ATAD3B: variants seen among roughly 807,000 people sequenced by gnomAD.
The protein encoded by ATAD3B is ATPase family AAA domain-containing protein 3B.
A neutral mutation model predicts 70.2 loss-of-function variants in ATAD3B; 59 were observed. The observed-to-expected ratio is 0.84, with a 90% confidence interval of 0.68 to 1.04. The LOEUF (loss-of-function observed/expected upper bound fraction) is 1.04, where lower values mean the gene tolerates loss of function less well. Among genes scored for constraint, ATAD3B ranks in the 50% least tolerant of loss-of-function variants. ATAD3B has a pLI of 0.00. For missense variants in ATAD3B, 961 were observed against 913.4 expected (o/e 1.05, Z -0.67); for synonymous variants, 423 against 388.6 (o/e 1.09, Z -1.04).
downstream of ATAD3B, among the ~76,000 whole-genome samples, chr1:1,501,854 G>A (rs1640952310): frequency 1.3e-5 from 2 of 151,012 alleles, no homozygotes; most frequent in Admixed American, 1.3e-4. Flanking sequence ...CTTTGGGTAA[G>A]TTTTTTTTTG....
chr1:1,506,556 C>T, the ATAD3B span, among the ~76,000 whole-genome samples: 23 of 152,120 alleles, frequency 1.5e-4, 1 homozygote, highest in East Asian at 2.9e-3. Flanking sequence ...CCACGGCGCC[C>T]GGCCAGTTTT....
At chr1:1,499,967 G>A (rs1417048451), downstream of ATAD3B, among the ~76,000 whole-genome samples, 1 of 142,120 alleles carries the variant, frequency 7.0e-6, no homozygotes, top group Non-Finnish European at 1.5e-5. Flanking sequence ...GCACGATCTT[G>A]TCTCACTGCA....
chr1:1,496,009 C>A lies in ATAD3B; in HGVS notation c.*192C>A, dbSNP rs773754933. On this transcript the variant is annotated 3_prime_UTR_variant, in exon 16 of 16. Coordinates refer to ENST00000673477, the MANE Select transcript of ATAD3B (RefSeq NM_031921.6). ...GCAGGCGGGGTCTTTGTTCTCGGCTCCCACAGCAGAGCCAGGTGAGGGGGG... is the reference window on the plus strand; with the variant it reads ...GCAGGCGGGGTCTTTGTTCTCGGCTACCACAGCAGAGCCAGGTGAGGGGGG... 48 of 1,344,078 alleles carry A rather than the reference C, an allele frequency of 3.6e-5. 1 individual carries two copies. Among genetic ancestry groups the A allele is most frequent in the Non-Finnish European group, 4.3e-5 (45 of 1,049,136 alleles). 83.3% of individuals were successfully genotyped at this position (1,344,078 alleles called of 1,614,324 possible). A position where few individuals can be genotyped will look rare whatever the true frequency, so the allele number is the denominator to read the frequency against.
At chr1:1,488,054 A>G (rs2100581559) in intron 12 of ATAD3B, 140 bp downstream of exon 12, 3 of 1,243,402 alleles carry the variant, frequency 2.4e-6, no homozygotes, top group Non-Finnish European at 3.5e-6. Flanking sequence ...TCCTGGGTTC[A>G]AGCTGCTCTC....
At chr1:1,477,859 C>G (rs1213063096) in intron 2 of ATAD3B, among the ~76,000 whole-genome samples, 32 of 152,130 alleles carry the variant, frequency 2.1e-4, no homozygotes, top group African/African-American at 7.5e-4. Flanking sequence ...GCACGCGCCA[C>G]CACGCCTGGC....
chr1:1,487,746 GC>G, intron 11 of ATAD3B, 116 bp from the exon 12 acceptor site: 1 of 1,294,512 alleles, frequency 7.7e-7, no homozygotes, highest in Non-Finnish European at 1.1e-6. Context: ...TCCTGATGGG[GC>G]AGAGCCTGAC....
At chr1:1,491,508 C>T (rs1640539390) in intron 15 of ATAD3B, among the ~76,000 whole-genome samples, 1 of 151,680 alleles carries the variant, frequency 6.6e-6, no homozygotes, top group South Asian at 2.1e-4. Context: ...TCCAGCCTGG[C>T]CAAAGATTGA....
intron 12 of ATAD3B, among the ~76,000 whole-genome samples, chr1:1,488,651 C>T (rs918199812): frequency 4.6e-5 from 7 of 151,956 alleles, no homozygotes; most frequent in African/African-American, 1.2e-4. Flanking sequence ...CCCAGCTGCT[C>T]AGGATGCTGA....
At chr1:1,491,504 C>T (rs1298274266) in intron 15 of ATAD3B, among the ~76,000 whole-genome samples, 1 of 151,952 alleles carries the variant, frequency 6.6e-6, no homozygotes, top group African/African-American at 2.4e-5. Context: ...GCACTCCAGC[C>T]TGGCCAAAGA....
At chr1:1,502,078 CA>C (rs1400683196), downstream of ATAD3B, among the ~76,000 whole-genome samples, 1 of 151,956 alleles carries the variant, frequency 6.6e-6, no homozygotes, top group Non-Finnish European at 1.5e-5. Context: ...GGGATTTCAC[CA>C]TGTTGGCCAG....
intron 11 of ATAD3B, among the ~76,000 whole-genome samples, 198 bp downstream of exon 11, chr1:1,486,866 C>T (rs1476696885): frequency 1.1e-4 from 16 of 150,242 alleles, no homozygotes; most frequent in South Asian, 2.1e-4. Flanking sequence ...AGGTCCCCAG[C>T]GTGTGGAGGC....
chr1:1,495,612 T>C lies in ATAD3B; in HGVS notation c.1742T>C (p.Val581Ala). Residue 581 changes from valine to alanine, a missense_variant, in exon 16 of 16, where the codon GTC (valine) becomes GCC (alanine). Coordinates refer to ENST00000673477, the MANE Select transcript of ATAD3B (RefSeq NM_031921.6). The part of the protein sequence containing the change: ...WLKAEGPGRG[V>A]EHPLSGVQGE... ...AAGGCGGAGGGGCCTGGGCGCGGGG[T>C]CGAGCACCCCCTATCCGGAGTCCAA... is the stretch of plus-strand genomic sequence containing the variant. The C allele has an allele frequency of 6.2e-7, 1 of 1,612,676 alleles. No individual in the cohort carries two copies. Among genetic ancestry groups the C allele is most frequent in the Middle Eastern group, 1.6e-4 (1 of 6,062 alleles).
downstream of ATAD3B, among the ~76,000 whole-genome samples, chr1:1,502,672 C>T (rs890960065): frequency 2.0e-5 from 3 of 150,888 alleles, no homozygotes; most frequent in Non-Finnish European, 2.9e-5. Context: ...CCGACATGCC[C>T]GGCTAATTTT....
At chr1:1,485,622 T>A (rs111376501) in intron 8 of ATAD3B, among the ~76,000 whole-genome samples, 160 bp from the exon 9 acceptor site, 2 of 150,750 alleles carry the variant, frequency 1.3e-5, no homozygotes, top group African/African-American at 4.9e-5. Flanking sequence ...AGCAATAGCC[T>A]CCTGGTCTCC....
At chr1:1,474,381 C>T (rs943023268) in intron 1 of ATAD3B, among the ~76,000 whole-genome samples, 1 of 150,374 alleles carries the variant, frequency 6.7e-6, no homozygotes, top group East Asian at 1.9e-4. Context: ...TTTTAGAGAC[C>T]GGTTTTCACC....
intron 15 of ATAD3B, among the ~76,000 whole-genome samples, chr1:1,495,236 T>G (rs3851852): frequency 1.3e-5 from 2 of 151,752 alleles, no homozygotes; most frequent in Non-Finnish European, 2.9e-5. Flanking sequence ...CCGCCTTGGG[T>G]TTTCTATTAT....
At chr1:1,490,744 T>C (rs898793786) in intron 15 of ATAD3B, 73 bp downstream of exon 15, 25 of 1,528,410 alleles carry the variant, frequency 1.6e-5, no homozygotes, top group Non-Finnish European at 2.1e-5. Context: ...GCGCCAGGCC[T>C]GTCCCAGCAC....
At chr1:1,495,234 G>T (rs184286995) in intron 15 of ATAD3B, among the ~76,000 whole-genome samples, 34 of 152,102 alleles carry the variant, frequency 2.2e-4, no homozygotes, top group Non-Finnish European at 8.8e-5. Flanking sequence ...CTCCGCCTTG[G>T]GTTTTCTATT....
At position 1,496,146 on chromosome 1, in the gene ATAD3B, C is replaced by T. The variant is rs1316402101; in HGVS notation, c.*329C>T. 1 of 1,102,314 alleles carries T rather than the reference C, an allele frequency of 9.1e-7. No individual in the cohort carries two copies. The highest frequency in any genetic ancestry group is 3.8e-5 in the South Asian group (1 of 26,218). 68.3% of individuals were successfully genotyped at this position (1,102,314 alleles called of 1,614,324 possible). On this transcript the variant is annotated 3_prime_UTR_variant, in exon 16 of 16. Coordinates refer to ENST00000673477, the MANE Select transcript of ATAD3B (RefSeq NM_031921.6). ...AGGCCGCCCTGTCAGCTGGCCGGTCCAAGCCTGTGGCTGGAGCTGGTGTGT... is the reference window on the plus strand; with the variant it reads ...AGGCCGCCCTGTCAGCTGGCCGGTCTAAGCCTGTGGCTGGAGCTGGTGTGT...
Sources: allele counts gnomAD v4.1 joint callset (sites outside exome capture counted in the v4.1 genomes callset), GRCh38; gene constraint gnomAD v4.1.1; transcripts MANE v1.5; gene names NCBI Gene and HGNC (gene_info 2026-07-23, HGNC 2026-07-21).